The following SLTM variants were observed in gnomAD, a reference collection of about 807,000 sequenced individuals.
SLTM encodes the protein SAFB-like transcription modulator.
A neutral mutation model predicts 134.6 loss-of-function variants in SLTM; 43 were observed. That is an observed-to-expected ratio of 0.32 (90% CI 0.25 to 0.41). The LOEUF is 0.41. Among genes scored for constraint, SLTM ranks in the 10% least tolerant of loss-of-function variants. The probability of loss-of-function intolerance (pLI) is 1.00; values close to 1 mark genes in which losing one functional copy is unlikely to be tolerated. For synonymous variants in SLTM, 424 were observed against 432.3 expected (o/e 0.98, Z 0.24); for missense variants, 1,055 against 1,288.8 (o/e 0.82, Z 2.78).
chr15:58,897,740 G>A (rs929775370), intron 8 of SLTM, among the ~76,000 whole-genome samples: 1 of 152,018 alleles, frequency 6.6e-6, no homozygotes, highest in African/African-American at 2.4e-5. Context: ...AAGACAAAAT[G>A]GGAATTATAT....
intron 2 of SLTM, among the ~76,000 whole-genome samples, chr15:58,919,715 T>C (rs1459429054): frequency 6.6e-6 from 1 of 152,202 alleles, no homozygotes; most frequent in Non-Finnish European, 1.5e-5. Flanking sequence ...TTGGGGGAAT[T>C]CCTGTAGATC....
chr15:58,910,765 A>C (rs1325486912), intron 5 of SLTM, among the ~76,000 whole-genome samples: 1 of 143,108 alleles, frequency 7.0e-6, no homozygotes, highest in Non-Finnish European at 1.5e-5. Context: ...TTTTTTTTCA[A>C]GACAAGTCTC....
intron 19 of SLTM, among the ~76,000 whole-genome samples, chr15:58,886,605 C>T (rs1395331293): frequency 6.6e-6 from 1 of 152,080 alleles, no homozygotes; most frequent in Non-Finnish European, 1.5e-5. Context: ...AAAGGAAACA[C>T]AAGTAGGGGC....
At chr15:58,922,063 A>G (rs983796560) in intron 2 of SLTM, among the ~76,000 whole-genome samples, 6 of 152,048 alleles carry the variant, frequency 3.9e-5, no homozygotes, top group African/African-American at 1.4e-4. Flanking sequence ...CCTCCATACA[A>G]AATATAACTC....
intron 3 of SLTM, 128 bp from the exon 4 acceptor site, chr15:58,913,824 T>C (rs1304019684): frequency 7.3e-6 from 5 of 683,250 alleles, no homozygotes; most frequent in Non-Finnish European, 1.2e-5. Flanking sequence ...CCAAAGTTCA[T>C]TCATTTTACC....
At chr15:58,901,786 A>T (rs1358175576) in intron 5 of SLTM, among the ~76,000 whole-genome samples, 1 of 152,162 alleles carries the variant, frequency 6.6e-6, no homozygotes, top group Non-Finnish European at 1.5e-5. Flanking sequence ...CATTAGAAGA[A>T]CAGTTACTAG....
chr15:58,884,673 C>T (rs2034037066), intron 19 of SLTM, among the ~76,000 whole-genome samples: 1 of 151,598 alleles, frequency 6.6e-6, no homozygotes, highest in South Asian at 2.1e-4. Context: ...CACTGTTGCC[C>T]AGGTTGGAGT....
At chr15:58,924,882 C>A (rs939916114) in intron 2 of SLTM, among the ~76,000 whole-genome samples, 1 of 152,032 alleles carries the variant, frequency 6.6e-6, no homozygotes, top group African/African-American at 2.4e-5. Flanking sequence ...AGTGCAGGGG[C>A]AGTCATGGTT....
chr15:58,933,540 G>A lies in SLTM; in HGVS notation c.26C>T (p.Ala9Val). 6.3e-7 allele frequency: 1 copy of A among 1,595,016 alleles called. No homozygotes were observed. The stretch of plus-strand genomic sequence containing the variant: ...CGCCTGACCCGAGGCGGCCGAGGCT[G>A]CCACCGCACCGGTAGCGGCAGCCAT... MAAATGAV[A>V]ASAASGQAEG... Residue 9 changes from alanine to valine, a missense_variant, in exon 1 of 21, where the codon GCA becomes GTA. Physicochemically the swap from Ala to Val is moderately conservative, Grantham distance 64. Coordinates refer to ENST00000380516, the MANE Select transcript of SLTM (RefSeq NM_024755.4).
At chr15:58,904,164 T>C (rs1255615323) in intron 5 of SLTM, among the ~76,000 whole-genome samples, 1 of 151,920 alleles carries the variant, frequency 6.6e-6, no homozygotes, top group Non-Finnish European at 1.5e-5. Flanking sequence ...CCACCACACC[T>C]GGCTAATTTT....
Position 58,883,643 on chromosome 15 carries a change from C to A in SLTM, c.2979G>T (p.Met993Ile). The A allele has an allele frequency of 6.2e-7, 1 of 1,614,102 alleles. No individual in the cohort carries two copies. Among genetic ancestry groups the A allele is most frequent in the East Asian group, 2.2e-5 (1 of 44,878 alleles). The change falls in exon 20 of 21, where the codon ATG becomes ATT. Residue 993 changes from methionine to isoleucine, a missense_variant. Around this residue, in one of 3 missense-constraint regions of SLTM, gnomAD observed 776 missense variants for 962.2 expected, o/e 0.81. Transcript: ENST00000380516. Reference sequence around the variant, plus strand: ...TTATTTACCTTGAATGTTGGGTTATCATGCCTGCTCCTGCCCGGCCGTCAC... The same window carrying A: ...TTATTTACCTTGAATGTTGGGTTATAATGCCTGCTCCTGCCCGGCCGTCAC... Reference protein sequence around the residue: ...RMGDGRAGAGMITQHSSNASP... With the variant: ...RMGDGRAGAGIITQHSSNASP...
intron 2 of SLTM, among the ~76,000 whole-genome samples, chr15:58,918,790 A>G (rs926682099): frequency 2.0e-5 from 3 of 152,256 alleles, no homozygotes; most frequent in African/African-American, 4.8e-5. Context: ...AGAATTTCAC[A>G]TAACAACAAG....
At chr15:58,884,976 T>C (rs2034061446) in intron 19 of SLTM, among the ~76,000 whole-genome samples, 1 of 152,206 alleles carries the variant, frequency 6.6e-6, no homozygotes, top group African/African-American at 2.4e-5. Flanking sequence ...CAAGGGCTTT[T>C]TGACCCTTGA....
intron 17 of SLTM, among the ~76,000 whole-genome samples, chr15:58,888,093 C>T (rs1403768550): frequency 6.6e-6 from 1 of 152,088 alleles, no homozygotes; most frequent in East Asian, 1.9e-4. Context: ...GGCAGAGGTA[C>T]AGTATGCCAA....
chr15:58,895,483 A>C (rs1417255315), intron 9 of SLTM, among the ~76,000 whole-genome samples: 1 of 152,224 alleles, frequency 6.6e-6, no homozygotes, highest in Non-Finnish European at 1.5e-5. Flanking sequence ...AGAGAGAACG[A>C]TTCGGTGCTG....
At chr15:58,883,946 A>T (rs1471785529) in intron 19 of SLTM, among the ~76,000 whole-genome samples, 160 bp from the exon 20 acceptor site, 8 of 152,002 alleles carry the variant, frequency 5.3e-5, no homozygotes, top group African/African-American at 1.9e-4. Context: ...AAAAATACAA[A>T]AAATTAGTCA....
intron 2 of SLTM, chr15:58,932,132 A>G (rs960907623): frequency 5.7e-5 from 25 of 437,274 alleles, no homozygotes; most frequent in Middle Eastern, 6.4e-4. Flanking sequence ...TCCGGAAGCA[A>G]TAAAGAACTG....
At chr15:58,924,486 A>G (rs1332214149) in intron 2 of SLTM, among the ~76,000 whole-genome samples, 1 of 152,186 alleles carries the variant, frequency 6.6e-6, no homozygotes, top group Non-Finnish European at 1.5e-5. Context: ...ATTAAGTTAA[A>G]CCTCCCAGTG....
intron 2 of SLTM, among the ~76,000 whole-genome samples, chr15:58,923,896 C>T (rs2037281874): frequency 2.0e-5 from 3 of 148,064 alleles, no homozygotes; most frequent in Non-Finnish European, 4.4e-5. Context: ...CTCACTGCAA[C>T]CTCTGCCTTC....
Sources: gnomAD v4.1 joint callset for allele counts (sites outside exome capture counted in the v4.1 genomes callset) on GRCh38, gnomAD v4.1.1 for gene constraint, gnomAD v4.1.1 regional missense constraint, MANE v1.5 for transcripts, NCBI Gene and HGNC (gene_info 2026-07-23, HGNC 2026-07-21) for gene names.